OTULINL: variants seen among roughly 807,000 people sequenced by gnomAD.
OTULINL encodes the protein inactive ubiquitin thioesterase OTULINL.
In OTULINL, 42 loss-of-function variants were observed where a neutral mutation model predicts 43.9. The ratio of observed to expected loss-of-function variants is 0.96; its 90% confidence interval spans 0.75 to 1.24. The LOEUF (loss-of-function observed/expected upper bound fraction) is 1.24, where lower values mean the gene tolerates loss of function less well. Among genes scored for constraint, OTULINL ranks in the 50% most tolerant of loss-of-function variants. The pLI, the probability that OTULINL is intolerant of heterozygous loss-of-function variation, is 0.00. For missense variants in OTULINL, 411 were observed against 426.4 expected (o/e 0.96, Z 0.32); for synonymous variants, 172 against 153.6 (o/e 1.12, Z -0.88).
chr5:14,596,729 G>A (rs1418732048), intron 1 of OTULINL, among the ~76,000 whole-genome samples: 1 of 152,108 alleles, frequency 6.6e-6, no homozygotes, highest in Non-Finnish European at 1.5e-5. Context: ...GATTTATAAG[G>A]AAAACAAGTT....
At chr5:14,610,025 G>T in intron 7 of OTULINL, 116 bp from the exon 8 acceptor site, 2 of 803,228 alleles carry the variant, frequency 2.5e-6, no homozygotes, top group South Asian at 3.2e-5. Context: ...TGTATGGGTG[G>T]GTCTGTCAAC....
At chr5:14,607,823 T>A (rs1383285437) in intron 6 of OTULINL, among the ~76,000 whole-genome samples, 2 of 152,168 alleles carry the variant, frequency 1.3e-5, no homozygotes, top group Non-Finnish European at 2.9e-5. Context: ...ATGGCACAGA[T>A]GTAATAATTT....
chr5:14,608,770 G>C lies in OTULINL; in HGVS notation c.650G>C (p.Arg217Thr). The C allele has an allele frequency of 6.2e-7, 1 of 1,609,360 alleles. No individual in the cohort carries two copies. Among genetic ancestry groups the C allele is most frequent in the Non-Finnish European group, 8.5e-7 (1 of 1,176,280 alleles). ...TAGTGGACTGAATTTAATGGCATTA[G>C]AGATTATCACAAGAGAGGAAGTATG... ...KTQWTEFNGI[R>T]DYHKRGSMCN... Residue 217 changes from arginine to threonine, a missense_variant, in exon 7 of 8, where the codon AGA becomes ACA. Coordinates refer to ENST00000274217, the MANE Select transcript of OTULINL (RefSeq NM_019018.3).
chr5:14,599,374 G>A (rs1202415237), intron 1 of OTULINL, among the ~76,000 whole-genome samples: 1 of 152,000 alleles, frequency 6.6e-6, no homozygotes, highest in Non-Finnish European at 1.5e-5. Flanking sequence ...TGTAATCCCA[G>A]CAACTGGGGA....
Position 14,607,356 on chromosome 5 carries a change from A to G in OTULINL, c.525A>G (p.Gln175=). 1 of 1,613,290 alleles carries G rather than the reference A, an allele frequency of 6.2e-7. No individual in the cohort carries two copies. The highest frequency in any genetic ancestry group is 1.7e-5 in the Admixed American group (1 of 59,780). The change falls in exon 6 of 8, where the codon CAA becomes CAG. Residue 175 remains glutamine, a synonymous_variant. Transcript: ENST00000274217. ...VKLPEKLLFS[Q]GCNWIQQYSF... is the part of the protein sequence containing the mutation. ...TTCCTGAAAAACTGCTGTTTTCACA[A>G]GGTTGTAATTGGATTCAGCAGTACA...
At position 14,581,945 on chromosome 5, in the gene OTULINL, C is replaced by G. The variant is rs1421571480; in HGVS notation, c.51C>G (p.Gly17=). The change falls in exon 1 of 8, where the codon GGC becomes GGG. Residue 17 remains glycine (G), a synonymous_variant. Transcript: ENST00000274217. ...PTRARERERS[G]APAAGSDQVH... is the part of the protein sequence containing the mutation. ...GGGCAAGGGAGCGGGAGCGGTCTGGCGCTCCCGCCGCAGGTGAGCCTGGGG... is the reference window on the plus strand; with the variant it reads ...GGGCAAGGGAGCGGGAGCGGTCTGGGGCTCCCGCCGCAGGTGAGCCTGGGG... 6 of 1,366,844 alleles carry G rather than the reference C, an allele frequency of 4.4e-6. No individual in the cohort carries two copies. The highest frequency in any genetic ancestry group is 5.7e-6 in the Non-Finnish European group (6 of 1,060,804). The allele number at this position is 1,366,844 out of a possible 1,614,324, so 84.7% of individuals were successfully genotyped here.
rs16903570 is a variant in OTULINL at position 14,607,779 on chromosome 5, C to G, written c.627+321C>G. ...AGTCCAGGCAAGGTGCTCAGAAATG[C>G]TCTCCTGGAATGCACCCCATTCATA... On this transcript the variant is annotated intron_variant, in intron 6 of 7. Transcript: ENST00000274217. Among the ~76,000 whole-genome samples, 546 of 152,290 alleles carry G rather than the reference C, an allele frequency of 3.6e-3. 6 individuals are homozygous for G. Among genetic ancestry groups the G allele is most frequent in the African/African-American group, 0.012 (510 of 41,548 alleles).
At chr5:14,589,953 T>A (rs565851839) in intron 1 of OTULINL, among the ~76,000 whole-genome samples, 74 of 151,304 alleles carry the variant, frequency 4.9e-4, no homozygotes, top group South Asian at 3.6e-3. Flanking sequence ...AAAAAAAAAA[T>A]TTTTTTTCAG....
At chr5:14,609,737 TCTC>T (rs1214974048) in intron 7 of OTULINL, among the ~76,000 whole-genome samples, 1 of 151,730 alleles carries the variant, frequency 6.6e-6, no homozygotes, top group Non-Finnish European at 1.5e-5. Context: ...TTCACGCCAT[TCTC>T]CTGCCTCAGC....
chr5:14,590,119 G>A (rs1338442787), intron 1 of OTULINL, among the ~76,000 whole-genome samples: 1 of 152,188 alleles, frequency 6.6e-6, no homozygotes, highest in African/African-American at 2.4e-5. Context: ...TACTTGACCA[G>A]TAAGATTTTT....
chr5:14,585,177 A>G (rs1350113381), intron 1 of OTULINL, among the ~76,000 whole-genome samples: 1 of 152,032 alleles, frequency 6.6e-6, no homozygotes, highest in Non-Finnish European at 1.5e-5. Context: ...TGCCAAGGAA[A>G]AGAGGCCTGA....
chr5:14,603,227 T>C (rs549773191), intron 5 of OTULINL, among the ~76,000 whole-genome samples: 7 of 152,258 alleles, frequency 4.6e-5, no homozygotes, highest in Non-Finnish European at 1.0e-4. Flanking sequence ...CATTCACCAG[T>C]TGAAGGACAT....
Position 14,613,113 on chromosome 5 carries a change from G to A in OTULINL, c.*2799G>A, listed in dbSNP as rs1258650606. 6.6e-6 allele frequency among the ~76,000 whole-genome samples: 1 copy of A among 152,088 alleles called. No individual in the cohort carries two copies. The highest frequency in any genetic ancestry group is 1.5e-5 in the Non-Finnish European group (1 of 68,028). The stretch of plus-strand genomic sequence containing the variant: ...AATTTTTTGTGTTTTTAGTAGAAAC[G>A]GGGTTTCACCATTTAGCCAGGCTGA... On this transcript the variant is annotated 3_prime_UTR_variant, in exon 8 of 8. Coordinates refer to ENST00000274217, the MANE Select transcript of OTULINL (RefSeq NM_019018.3).
chr5:14,599,264 G>T (rs31976), intron 1 of OTULINL, among the ~76,000 whole-genome samples: 2 of 152,058 alleles, frequency 1.3e-5, no homozygotes. Context: ...TGAGGTGGGC[G>T]GGTTGCCTGC....
At chr5:14,600,050 TG>T (rs779039028) in intron 1 of OTULINL, among the ~76,000 whole-genome samples, 3 of 152,154 alleles carry the variant, frequency 2.0e-5, no homozygotes, top group Non-Finnish European at 2.9e-5. Flanking sequence ...TGATATGGTT[TG>T]GCTCTGTCCC....
In OTULINL at chr5:14,611,831, C is replaced by T. The variant is rs1319711399; in HGVS notation, c.*1517C>T. 2 of 152,054 alleles carry T rather than the reference C, an allele frequency of 1.3e-5. No homozygotes were observed. Among genetic ancestry groups the T allele is most frequent in the African/African-American group, 2.4e-5 (1 of 41,394 alleles). 9.4% of individuals were successfully genotyped at this position (152,054 alleles called of 1,614,324 possible). Reference sequence around the variant, plus strand: ...CCCTTTCTAAGAATGACTTACTTCACGAGATATTTAGCACTATCATTTTCC... The same window carrying T: ...CCCTTTCTAAGAATGACTTACTTCATGAGATATTTAGCACTATCATTTTCC... On this transcript the variant is annotated 3_prime_UTR_variant, in exon 8 of 8. Coordinates refer to ENST00000274217, the MANE Select transcript of OTULINL (RefSeq NM_019018.3).
Position 14,610,947 on chromosome 5 carries a change from G to T in OTULINL, c.*633G>T, listed in dbSNP as rs545303210. ...AACCACTACTTTGTAATAGTGTACA[G>T]TTTGTTTTATATCTCTTTACTTTTT... On this transcript the variant is annotated 3_prime_UTR_variant, in exon 8 of 8. Coordinates refer to ENST00000274217, the MANE Select transcript of OTULINL (RefSeq NM_019018.3). 1 of 152,098 alleles carries T rather than the reference G, an allele frequency of 6.6e-6. No individual in the cohort carries two copies. Among genetic ancestry groups the T allele is most frequent in the Non-Finnish European group, 1.5e-5 (1 of 68,008 alleles). 9.4% of individuals were successfully genotyped at this position (152,098 alleles called of 1,614,324 possible).
intron 5 of OTULINL, among the ~76,000 whole-genome samples, chr5:14,605,704 A>G (rs1420191083): frequency 6.6e-6 from 1 of 152,122 alleles, no homozygotes; most frequent in Middle Eastern, 3.2e-3. Context: ...ATCTCTCTCA[A>G]GTTCAGAGTT....
At chr5:14,582,841 CACCCG>C (rs1759035874) in intron 1 of OTULINL, among the ~76,000 whole-genome samples, 1 of 136,744 alleles carries the variant, frequency 7.3e-6, no homozygotes, top group Non-Finnish European at 1.6e-5. Context: ...AAAAAAAAAT[CACCCG>C]ACAAGGGCAG....
Sources: gnomAD v4.1 joint callset for allele counts (sites outside exome capture counted in the v4.1 genomes callset) on GRCh38, gnomAD v4.1.1 for gene constraint, MANE v1.5 for transcripts, NCBI Gene and HGNC (gene_info 2026-07-23, HGNC 2026-07-21) for gene names.